Variants in SUPT3H observed in about 807,000 individuals in gnomAD.
The protein encoded by SUPT3H is transcription initiation protein SPT3 homolog.
In SUPT3H, 44 loss-of-function variants were observed where a neutral mutation model predicts 44.3. The ratio of observed to expected loss-of-function variants is 0.99; its 90% CI spans 0.78 to 1.28. The LOEUF is 1.28. SUPT3H is among the 50% of genes most tolerant of loss of function. SUPT3H has a pLI of 0.00. For synonymous variants in SUPT3H, 124 were observed against 125.6 expected (o/e 0.99, Z 0.09); for missense variants, 380 against 387.1 (o/e 0.98, Z 0.15).
chr6:45,373,225 T>C (rs1160544826), intron 1 of SUPT3H, among the ~76,000 whole-genome samples: 1 of 152,108 alleles, frequency 6.6e-6, no homozygotes, highest in Non-Finnish European at 1.5e-5. Flanking sequence ...ATTACAGGCA[T>C]GAAGTCACAG....
At chr6:44,904,272 A>G (rs1339812774) in intron 10 of SUPT3H, among the ~76,000 whole-genome samples, 2 of 152,174 alleles carry the variant, frequency 1.3e-5, no homozygotes, top group South Asian at 2.1e-4. Flanking sequence ...AGAAAACCCC[A>G]TTGTCTCAGC....
chr6:45,305,575 G>A (rs1782862798), intron 2 of SUPT3H, among the ~76,000 whole-genome samples: 1 of 152,120 alleles, frequency 6.6e-6, no homozygotes, highest in Admixed American at 6.5e-5. Context: ...GTTCATTCAA[G>A]CCCTCAGCAT....
At chr6:45,198,964 C>T (rs1322846301) in intron 2 of SUPT3H, among the ~76,000 whole-genome samples, 1 of 151,072 alleles carries the variant, frequency 6.6e-6, no homozygotes, top group Non-Finnish European at 1.5e-5. Flanking sequence ...ACTTTATTTC[C>T]CATACTGTTA....
In SUPT3H at chr6:44,889,427, C is replaced by G. The variant is rs571155957; in HGVS notation, c.912+43226G>C. Among the ~76,000 whole-genome samples the G allele has an allele frequency of 5.3e-5, 8 of 151,606 alleles. No homozygotes were observed. The East Asian group carries it at 1.2e-3, about 22-fold the overall frequency. On this transcript the variant is annotated intron_variant, in intron 10 of 10. Transcript: ENST00000371459. Reference sequence around the variant, plus strand: ...CTGGTACCAAAACAGAGATATACATCAATGGAACAGAGCCCTCAGAAATAA... The same window carrying G: ...CTGGTACCAAAACAGAGATATACATGAATGGAACAGAGCCCTCAGAAATAA...
At chr6:44,870,707 G>C (rs999688493) in intron 10 of SUPT3H, among the ~76,000 whole-genome samples, 37 of 151,600 alleles carry the variant, frequency 2.4e-4, no homozygotes, top group East Asian at 3.9e-4. Flanking sequence ...CGCAGAAGAC[G>C]GGTGATTTCT....
At chr6:45,220,474 GA>G in intron 2 of SUPT3H, among the ~76,000 whole-genome samples, 1 of 152,222 alleles carries the variant, frequency 6.6e-6, no homozygotes, top group South Asian at 2.1e-4. Flanking sequence ...TATTCATAAT[GA>G]TAGAAGACTA....
At chr6:45,038,046 T>C (rs1363676776) in intron 3 of SUPT3H, among the ~76,000 whole-genome samples, 2 of 152,180 alleles carry the variant, frequency 1.3e-5, no homozygotes. Flanking sequence ...TTTCTGAAAT[T>C]ATACGTAAAA....
At chr6:44,932,559 T>C in intron 10 of SUPT3H, 94 bp downstream of exon 10, 1 of 860,272 alleles carries the variant, frequency 1.2e-6, no homozygotes. Context: ...ACAAATTGCT[T>C]TCAACAATTC....
chr6:44,870,598 CAAA>C (rs775096457), intron 10 of SUPT3H, among the ~76,000 whole-genome samples: 1 of 73,916 alleles, frequency 1.4e-5, no homozygotes, highest in Non-Finnish European at 2.5e-5. Flanking sequence ...GACTCTGTCT[CAAA>C]AAAAAAAAAA....
intron 10 of SUPT3H, among the ~76,000 whole-genome samples, chr6:44,905,259 G>C (rs1345878974): frequency 3.3e-5 from 5 of 152,122 alleles, no homozygotes; most frequent in African/African-American, 4.8e-5. Context: ...GAAAATTTTT[G>C]CAATCTACTC....
At chr6:44,821,744 T>C (rs551786816), downstream of SUPT3H, among the ~76,000 whole-genome samples, 115 of 152,260 alleles carry the variant, frequency 7.6e-4, no homozygotes, top group African/African-American at 2.6e-3. Context: ...AGTGATAGTT[T>C]ATGTCAAAGG....
At chr6:44,832,695 AT>A (rs755283089) in intron 10 of SUPT3H, among the ~76,000 whole-genome samples, 2 of 151,866 alleles carry the variant, frequency 1.3e-5, no homozygotes, top group African/African-American at 4.8e-5. Flanking sequence ...CATAGTTCCC[AT>A]TTTTTTTAAT....
At chr6:45,299,179 C>T (rs1215856897) in intron 2 of SUPT3H, among the ~76,000 whole-genome samples, 1 of 144,846 alleles carries the variant, frequency 6.9e-6, no homozygotes, top group Non-Finnish European at 1.5e-5. Context: ...CACCCCATCT[C>T]TACTGAAAGT....
At chr6:45,244,436 T>A (rs530650068) in intron 2 of SUPT3H, among the ~76,000 whole-genome samples, 1 of 152,318 alleles carries the variant, frequency 6.6e-6, no homozygotes. Flanking sequence ...CAAATAGCTT[T>A]AGGAAAATTT....
At chr6:45,301,870 T>C (rs1216928776) in intron 2 of SUPT3H, among the ~76,000 whole-genome samples, 1 of 152,186 alleles carries the variant, frequency 6.6e-6, no homozygotes, top group African/African-American at 2.4e-5. Flanking sequence ...CTTTAGCAAG[T>C]GGATTTGATT....
intron 6 of SUPT3H, among the ~76,000 whole-genome samples, chr6:44,963,125 A>G (rs545417569): frequency 4.0e-5 from 6 of 151,858 alleles, no homozygotes; most frequent in African/African-American, 1.4e-4. Flanking sequence ...TATACACATA[A>G]ATTTCTTTTT....
chr6:45,032,427 C>T (rs1204591310), intron 3 of SUPT3H, among the ~76,000 whole-genome samples: 1 of 152,000 alleles, frequency 6.6e-6, no homozygotes, highest in African/African-American at 2.4e-5. Context: ...AACACTATAC[C>T]TGCATAAGTA....
chr6:45,279,928 T>A (rs892993571), intron 2 of SUPT3H, among the ~76,000 whole-genome samples: 2 of 152,286 alleles, frequency 1.3e-5, no homozygotes, highest in East Asian at 3.9e-4. Context: ...ATATACCTGC[T>A]CTACTTGCAC....
chr6:44,830,059 T>C (rs1366173965), intron 10 of SUPT3H, among the ~76,000 whole-genome samples: 1 of 152,210 alleles, frequency 6.6e-6, no homozygotes, highest in Admixed American at 6.5e-5. Flanking sequence ...AACAAGTGGT[T>C]AGTGATTCTA....
Sources: allele counts gnomAD v4.1 joint callset (sites outside exome capture counted in the v4.1 genomes callset), GRCh38; gene constraint gnomAD v4.1.1; transcripts MANE v1.5; gene names NCBI Gene and HGNC (gene_info 2026-07-23, HGNC 2026-07-21).